COG5: variants seen among roughly 807,000 people sequenced by gnomAD.
COG5 encodes conserved oligomeric Golgi complex subunit 5.
In COG5, 86 loss-of-function variants were observed where a neutral mutation model predicts 110.4. The observed-to-expected ratio is 0.78, with a 90% CI of 0.65 to 0.93. The LOEUF (loss-of-function observed/expected upper bound fraction) is 0.93, where lower values mean the gene tolerates loss of function less well. Among genes scored for constraint, COG5 ranks in the 40% least tolerant of loss-of-function variants. The probability of loss-of-function intolerance (pLI) is 0.00; values close to 1 mark genes in which losing one functional copy is unlikely to be tolerated. For synonymous variants in COG5, 360 were observed against 334.6 expected, an observed-to-expected ratio of 1.08 and a Z score of -0.83; for missense variants, 1,077 against 987.0, an observed-to-expected ratio of 1.09 and a Z score of -1.22.
intron 11 of COG5, 126 bp from the exon 12 acceptor site, chr7:107,298,472 G>T: frequency 1.6e-6 from 1 of 608,594 alleles, no homozygotes; most frequent in Non-Finnish European, 2.8e-6. Flanking sequence ...TTCTAATGAG[G>T]CCTTTTATAA....
intron 6 of COG5, among the ~76,000 whole-genome samples, chr7:107,426,392 C>G (rs1793644744): frequency 6.6e-6 from 1 of 152,126 alleles, no homozygotes; most frequent in African/African-American, 2.4e-5. Context: ...TGGTGTTTGT[C>G]TTAGTTCAGG....
chr7:107,419,742 A>G (rs559767753), intron 6 of COG5, among the ~76,000 whole-genome samples: 5 of 151,938 alleles, frequency 3.3e-5, no homozygotes, highest in Non-Finnish European at 2.9e-5. Flanking sequence ...TAATTTTTGT[A>G]TTTTTTGTAG....
At chr7:107,501,682 G>A (rs1798644262) in intron 6 of COG5, among the ~76,000 whole-genome samples, 1 of 152,066 alleles carries the variant, frequency 6.6e-6, no homozygotes, top group Non-Finnish European at 1.5e-5. Context: ...AGGTTTGTGT[G>A]CTTGTGTGTA....
intron 16 of COG5, chr7:107,253,084 G>C (rs1458402404): frequency 2.6e-5 from 4 of 152,144 alleles, no homozygotes; most frequent in African/African-American, 9.7e-5. Context: ...ATCCTGGACA[G>C]TGAAACAAGG....
intron 21 of COG5, chr7:107,207,925 T>C: frequency 4.1e-6 from 4 of 985,388 alleles, no homozygotes; most frequent in Non-Finnish European, 4.8e-6. Context: ...CAACCTAACA[T>C]ATTATGCTGG....
chr7:107,563,560 C>T lies in COG5; in HGVS notation c.94+243G>A, dbSNP rs1279508963. The T allele has an allele frequency of 8.7e-6, 3 of 343,426 alleles. No homozygotes were observed. The East Asian group carries it at 1.6e-4, about 18-fold the overall frequency. 21.3% of individuals were successfully genotyped at this position (343,426 alleles called of 1,614,324 possible). ...CTGGAGGCATGGGGGGGGGGGGGGTCGAGTTGAAATGAGGAACACACAGAA... is the reference window on the plus strand; with the variant it reads ...CTGGAGGCATGGGGGGGGGGGGGGTTGAGTTGAAATGAGGAACACACAGAA... On this transcript the variant is annotated intron_variant, in intron 1 of 21. Transcript: ENST00000297135.
At chr7:107,408,293 C>G (rs1193090719) in intron 7 of COG5, among the ~76,000 whole-genome samples, 2 of 152,216 alleles carry the variant, frequency 1.3e-5, no homozygotes, top group East Asian at 1.9e-4. Context: ...AAACTATTTA[C>G]TATCTGTCTC....
chr7:107,420,697 G>A (rs1218851965), intron 6 of COG5, among the ~76,000 whole-genome samples: 2 of 152,140 alleles, frequency 1.3e-5, no homozygotes, highest in African/African-American at 2.4e-5. Flanking sequence ...TCCTGACGTC[G>A]TGATCCACCC....
Position 107,362,316 on chromosome 7 carries a change from A to G in COG5, c.940T>C (p.Cys314Arg), listed in dbSNP as rs764832638. Reference protein sequence around the residue: ...EKLMDHIYAVCGQVQHLQKVL... With the variant: ...EKLMDHIYAVRGQVQHLQKVL... The stretch of plus-strand genomic sequence containing the variant: ...CTCCTTCAAATATTTACCTGTCCAC[A>G]AACAGCATAAATATGATCCATAAGT... The change falls in exon 9 of 22, where the codon TGT (cysteine) becomes CGT (arginine). Residue 314 changes from cysteine (C) to arginine (R), a missense_variant. Physicochemically the swap from Cys to Arg is radical, Grantham distance 180 (BLOSUM62 -3). Transcript: ENST00000297135. 1.2e-5 allele frequency: 20 copies of G among 1,603,046 alleles called. No individual in the cohort carries two copies. The South Asian group carries it at 1.7e-4, about 13-fold the overall frequency.
At chr7:107,505,582 G>A (rs1245246715) in intron 6 of COG5, among the ~76,000 whole-genome samples, 1 of 152,180 alleles carries the variant, frequency 6.6e-6, no homozygotes, top group African/African-American at 2.4e-5. Context: ...GGTGAATGAG[G>A]GGGAAAAGAA....
At chr7:107,436,689 A>T (rs1404444559) in intron 6 of COG5, among the ~76,000 whole-genome samples, 1 of 152,204 alleles carries the variant, frequency 6.6e-6, no homozygotes. Flanking sequence ...AAATTCATGA[A>T]ATGTTAATTT....
At chr7:107,226,449 G>A (rs577906002) in intron 19 of COG5, among the ~76,000 whole-genome samples, 1 of 152,310 alleles carries the variant, frequency 6.6e-6, no homozygotes, top group South Asian at 2.1e-4. Flanking sequence ...TTTGCAGGTA[G>A]GTAAAACAGA....
At chr7:107,372,056 A>T (rs1455698758) in intron 8 of COG5, among the ~76,000 whole-genome samples, 1 of 152,202 alleles carries the variant, frequency 6.6e-6, no homozygotes, top group Non-Finnish European at 1.5e-5. Context: ...CAGACTCCTA[A>T]TGAAAGGCTA....
chr7:107,562,397 C>G (rs879215430), intron 1 of COG5, among the ~76,000 whole-genome samples: 5 of 152,198 alleles, frequency 3.3e-5, no homozygotes, highest in Admixed American at 3.3e-4. Flanking sequence ...ACCTAGAAAG[C>G]CTTTTCTGAC....
intron 11 of COG5, among the ~76,000 whole-genome samples, chr7:107,308,744 A>C (rs1807943621): frequency 6.6e-6 from 1 of 151,030 alleles, no homozygotes; most frequent in African/African-American, 2.4e-5. Context: ...AACCATTACC[A>C]ATAAAAAAAG....
At chr7:107,419,332 A>G in intron 6 of COG5, among the ~76,000 whole-genome samples, 1 of 152,210 alleles carries the variant, frequency 6.6e-6, no homozygotes, top group Non-Finnish European at 1.5e-5. Flanking sequence ...ATAAAAGCTC[A>G]CAATATATAA....
intron 6 of COG5, among the ~76,000 whole-genome samples, chr7:107,460,318 T>C (rs568471252): frequency 6.6e-6 from 1 of 151,714 alleles, no homozygotes; most frequent in African/African-American, 2.4e-5. Context: ...TGGGAGAATC[T>C]CTTGAGCCCA....
chr7:107,363,674 T>C (rs7809508), intron 8 of COG5, among the ~76,000 whole-genome samples: 27,205 of 152,010 alleles, frequency 0.18, 2,687 homozygotes, highest in Non-Finnish European at 0.22. Flanking sequence ...GAAATGTTAT[T>C]GGCCGGGCAT....
At chr7:107,282,132 C>G (rs991223265) in intron 13 of COG5, among the ~76,000 whole-genome samples, 7 of 151,912 alleles carry the variant, frequency 4.6e-5, no homozygotes, top group Admixed American at 2.0e-4. Context: ...TAGAGTAAAT[C>G]TTACCAGATT....
Sources: allele counts gnomAD v4.1 joint callset (sites outside exome capture counted in the v4.1 genomes callset), GRCh38; gene constraint gnomAD v4.1.1; transcripts MANE v1.5; gene names NCBI Gene and HGNC (gene_info 2026-07-23, HGNC 2026-07-21).